Variants in RBFOX2 observed in about 807,000 individuals in gnomAD.
The protein encoded by RBFOX2 is RNA binding fox-1 homolog 2, also known as RNA binding protein fox-1 homolog 2.
RBFOX2 carries 10 observed loss-of-function variants against 49.1 expected under a neutral mutation model. The ratio of observed to expected loss-of-function variants is 0.20; its 90% confidence interval spans 0.13 to 0.35. The LOEUF (loss-of-function observed/expected upper bound fraction) is 0.35. RBFOX2 is among the 10% of genes least tolerant of loss of function. RBFOX2 has a pLI of 1.00. For missense variants in RBFOX2, 323 were observed against 486.9 expected, an observed-to-expected ratio of 0.66 and a Z score of 3.17; for synonymous variants, 183 against 187.4, an observed-to-expected ratio of 0.98 and a Z score of 0.19.
At chr22:35,941,973 C>A (rs532081761), upstream of RBFOX2, among the ~76,000 whole-genome samples, 5 of 152,288 alleles carry the variant, frequency 3.3e-5, no homozygotes, top group South Asian at 8.3e-4. Flanking sequence ...ATTTTACAGG[C>A]ATGGATCCTA....
At chr22:35,985,927 GATA>G (rs2057698209) in intron 1 of RBFOX2, among the ~76,000 whole-genome samples, 1 of 151,746 alleles carries the variant, frequency 6.6e-6, no homozygotes. Flanking sequence ...TAGATAGATA[GATA>G]GATAGATAGA....
At chr22:35,896,654 G>A (rs567419468) in intron 1 of RBFOX2, among the ~76,000 whole-genome samples, 5 of 152,218 alleles carry the variant, frequency 3.3e-5, no homozygotes, top group African/African-American at 9.6e-5. Flanking sequence ...CACACTGAAC[G>A]CATGCTTTCC....
intron 1 of RBFOX2, among the ~76,000 whole-genome samples, chr22:36,025,006 C>T (rs2059378535): frequency 6.6e-6 from 1 of 151,898 alleles, no homozygotes; most frequent in African/African-American, 2.4e-5. Flanking sequence ...ACGGGTTTCA[C>T]TATGTTGGCC....
Position 35,897,540 on chromosome 22 carries a change from C to T in RBFOX2, c.-34+41307G>A, listed in dbSNP as rs1162731378. 3.6e-6 allele frequency: 3 copies of T among 842,504 alleles called. No homozygotes were observed. The East Asian group carries it at 7.3e-5, about 20-fold the overall frequency. 52.2% of individuals were successfully genotyped at this position (842,504 alleles called of 1,614,324 possible). ...TGGCAAGGGGTACGGGAGGAAGTAC[C>T]CCTTTGCTGTGAGCCACAGCAAAGA... On this transcript the variant is annotated intron_variant, in intron 1 of 13. Transcript: ENST00000359369.
At chr22:35,809,654 A>C in intron 2 of RBFOX2, 126 bp downstream of exon 3, 5 of 1,009,590 alleles carry the variant, frequency 5.0e-6, no homozygotes, top group East Asian at 4.8e-5. Flanking sequence ...TGTTGAGAGA[A>C]GGTGTAAATG....
chr22:35,745,383 A>AAG (rs1932178555), intron 11 of RBFOX2, among the ~76,000 whole-genome samples: 1 of 152,164 alleles, frequency 6.6e-6, no homozygotes, highest in Admixed American at 6.5e-5. Context: ...TACTTCTATC[A>AAG]ACAACACCAT....
upstream of RBFOX2, chr22:35,939,214 A>G (rs2053443029): frequency 1.9e-6 from 1 of 530,034 alleles, no homozygotes. Flanking sequence ...TAACTTCATC[A>G]TACACTGTGG....
At chr22:36,007,298 A>G (rs371064887) in intron 1 of RBFOX2, among the ~76,000 whole-genome samples, 3 of 151,662 alleles carry the variant, frequency 2.0e-5, no homozygotes, top group South Asian at 2.1e-4. Context: ...ATAAGTAAAT[A>G]TAAGTACTGG....
At chr22:35,772,184 C>G (rs763185493) in intron 4 of RBFOX2, among the ~76,000 whole-genome samples, 28 of 151,968 alleles carry the variant, frequency 1.8e-4, no homozygotes, top group Non-Finnish European at 3.5e-4. Flanking sequence ...GTTATCTAAA[C>G]TTCTATTCAT....
At chr22:35,772,979 T>C (rs1450972239) in intron 4 of RBFOX2, among the ~76,000 whole-genome samples, 1 of 150,782 alleles carries the variant, frequency 6.6e-6, no homozygotes, top group Non-Finnish European at 1.5e-5. Context: ...CTCCTGGGTA[T>C]GGCCAGAACA....
At chr22:35,842,996 G>A (rs2040702922), upstream of RBFOX2, among the ~76,000 whole-genome samples, 1 of 152,120 alleles carries the variant, frequency 6.6e-6, no homozygotes. Context: ...TAAAAAAAAT[G>A]TTACAATGAT....
chr22:35,849,836 A>G (rs956947417), intron 1 of RBFOX2, among the ~76,000 whole-genome samples: 1 of 152,104 alleles, frequency 6.6e-6, no homozygotes, highest in African/African-American at 2.4e-5. Flanking sequence ...TACACAGAAG[A>G]GATGTTCAGA....
chr22:36,025,523 T>G (rs1038821849), intron 1 of RBFOX2, among the ~76,000 whole-genome samples: 7 of 152,218 alleles, frequency 4.6e-5, no homozygotes, highest in Non-Finnish European at 1.0e-4. Flanking sequence ...TGTTCACTAT[T>G]ATATCTCTTA....
intron 2 of RBFOX2, among the ~76,000 whole-genome samples, chr22:35,793,982 A>T (rs113425916): frequency 6.6e-6 from 1 of 152,240 alleles, no homozygotes; most frequent in African/African-American, 2.4e-5. Flanking sequence ...AACCACAGCA[A>T]GTCATTTTTT....
chr22:35,777,865 T>C (rs533396175), intron 4 of RBFOX2, 160 bp downstream of exon 5: 34 of 691,754 alleles, frequency 4.9e-5, no homozygotes, highest in African/African-American at 4.9e-4. Context: ...AGTTTGGCCA[T>C]GTGGTAGCTT....
intron 1 of RBFOX2, among the ~76,000 whole-genome samples, chr22:35,952,616 C>T (rs2055077371): frequency 6.6e-6 from 1 of 152,170 alleles, no homozygotes; most frequent in South Asian, 2.1e-4. Context: ...ATAAGTCCAT[C>T]AGCAAAATCT....
intron 1 of RBFOX2, among the ~76,000 whole-genome samples, chr22:35,862,500 C>T (rs1354940240): frequency 6.6e-6 from 1 of 151,998 alleles, no homozygotes; most frequent in Non-Finnish European, 1.5e-5. Flanking sequence ...TAGATTAGCC[C>T]CCTGCTAGAG....
chr22:35,953,258 T>C (rs1177792218), intron 1 of RBFOX2, among the ~76,000 whole-genome samples: 2 of 139,914 alleles, frequency 1.4e-5, no homozygotes, highest in African/African-American at 5.3e-5. Flanking sequence ...AACCCAAACG[T>C]CCATTAAGGG....
chr22:35,808,985 C>T lies in RBFOX2; in HGVS notation c.252+795G>A, dbSNP rs186966146. On this transcript the variant is annotated intron_variant, in intron 2 of 11. Coordinates refer to ENST00000405409, the Ensembl canonical transcript of RBFOX2. Reference sequence around the variant, plus strand: ...GGGCTAGAGACTAGTAAACCAAGTACGGAGTTCAGATTATATTCTAATTGC... The same window carrying T: ...GGGCTAGAGACTAGTAAACCAAGTATGGAGTTCAGATTATATTCTAATTGC... Among the ~76,000 whole-genome samples, 4 of 150,656 alleles carry T rather than the reference C, an allele frequency of 2.7e-5. No homozygotes were observed. The East Asian group carries it at 5.8e-4, about 22-fold the overall frequency.
Sources: allele counts gnomAD v4.1 joint callset (sites outside exome capture counted in the v4.1 genomes callset), GRCh38; gene constraint gnomAD v4.1.1; transcripts MANE v1.5; gene names NCBI Gene and HGNC (gene_info 2026-07-23, HGNC 2026-07-21).